PTPRN: variants seen among roughly 807,000 people sequenced by gnomAD.
PTPRN encodes the protein protein tyrosine phosphatase receptor type N.
A neutral mutation model predicts 108.5 loss-of-function variants in PTPRN; 70 were observed. The observed-to-expected ratio is 0.65, with a 90% CI of 0.53 to 0.79. The LOEUF is 0.79. Among genes scored for constraint, PTPRN ranks in the 30% least tolerant of loss-of-function variants. The pLI, the probability that PTPRN is intolerant of heterozygous loss-of-function variation, is 0.00. For synonymous variants in PTPRN, 496 were observed against 524.6 expected (o/e 0.95, Z 0.75); for missense variants, 1,136 against 1,295.5 (o/e 0.88, Z 1.89).
intron 3 of PTPRN, among the ~76,000 whole-genome samples, chr2:219,305,511 G>A (rs1952461408): frequency 6.6e-6 from 1 of 152,094 alleles, no homozygotes; most frequent in Non-Finnish European, 1.5e-5. Flanking sequence ...AAAGTATTGG[G>A]ATTATAGGTG....
intron 3 of PTPRN, among the ~76,000 whole-genome samples, chr2:219,306,383 T>C (rs1952484694): frequency 6.6e-6 from 1 of 152,232 alleles, no homozygotes; most frequent in African/African-American, 2.4e-5. Context: ...GTGAAAGCAG[T>C]TTATTAGAGA....
intron 19 of PTPRN, 28 bp from the exon 20 acceptor site, chr2:219,291,551 A>T: frequency 1.9e-6 from 3 of 1,608,984 alleles, no homozygotes; most frequent in Non-Finnish European, 2.6e-6. Context: ...TGTGAGGGCC[A>T]GTGGGCACCA....
chr2:219,304,790 C>A (rs1379800949), intron 3 of PTPRN, among the ~76,000 whole-genome samples: 2 of 152,200 alleles, frequency 1.3e-5, no homozygotes, highest in Admixed American at 6.5e-5. Flanking sequence ...TTGTTCTCTA[C>A]TGAATTATTC....
chr2:219,299,162 CCT>C, intron 11 of PTPRN, 51 bp from the exon 12 acceptor site: 1 of 1,611,826 alleles, frequency 6.2e-7, no homozygotes, highest in Non-Finnish European at 8.5e-7. Context: ...TGGTCTCCAT[CCT>C]CTGTCTTGCT....
Position 219,291,467 on chromosome 2 carries a change from C to G in PTPRN, c.2729+3G>C. On this transcript the variant is annotated splice_donor_region_variant and intron_variant, in intron 20 of 22. Coordinates refer to ENST00000295718, the MANE Select transcript of PTPRN (RefSeq NM_002846.4). ...CAGAGAGATGAATCTCCTCTCCACC[C>G]ACCTGCAGTGCACGATGATGGGGCA... 6.2e-7 allele frequency: 1 copy of G among 1,613,818 alleles called. No individual in the cohort carries two copies. The highest frequency in any genetic ancestry group is 8.5e-7 in the Non-Finnish European group (1 of 1,179,784).
chr2:219,301,760 G>A, intron 6 of PTPRN, 41 bp from the exon 7 acceptor site: 1 of 1,579,192 alleles, frequency 6.3e-7, no homozygotes, highest in Non-Finnish European at 8.7e-7. Flanking sequence ...TGATTGCGCA[G>A]TGAACTTGAG....
rs1022613535 is a variant in PTPRN at position 219,297,708 on chromosome 2, T to C, written c.1887+177A>G. Among the ~76,000 whole-genome samples, 3 of 152,084 alleles carry C rather than the reference T, an allele frequency of 2.0e-5. No homozygotes were observed. Among genetic ancestry groups the C allele is most frequent in the African/African-American group, 7.2e-5 (3 of 41,406 alleles). ...AGGCACTGTATGCTCCCAATTCCCATGCGTTCATAAAGGCCCCTACCATAC... is the reference window on the plus strand; with the variant it reads ...AGGCACTGTATGCTCCCAATTCCCACGCGTTCATAAAGGCCCCTACCATAC... On this transcript the variant is annotated intron_variant, in intron 13 of 22. Coordinates refer to ENST00000295718, the MANE Select transcript of PTPRN (RefSeq NM_002846.4). The surrounding 1 kb of genome is among the most constrained non-coding windows in gnomAD (Gnocchi z 6.0).
chr2:219,294,035 T>G, intron 19 of PTPRN: 1 of 496,928 alleles, frequency 2.0e-6, no homozygotes, highest in East Asian at 5.8e-5. Flanking sequence ...TTCGACAGTC[T>G]TTGCCTCTTC....
At chr2:219,298,291 A>G (rs570650308) in intron 12 of PTPRN, among the ~76,000 whole-genome samples, 188 bp from the exon 13 acceptor site, 1 of 152,330 alleles carries the variant, frequency 6.6e-6, no homozygotes, top group East Asian at 1.9e-4. Flanking sequence ...GATCAACTCA[A>G]CCACAGTGCA....
intron 8 of PTPRN, 35 bp from the exon 9 acceptor site, chr2:219,300,294 C>G: frequency 6.6e-7 from 1 of 1,526,208 alleles, no homozygotes; most frequent in Non-Finnish European, 8.8e-7. Flanking sequence ...GGCCTCTGGA[C>G]AGTGCTGGGG....
rs769328577 is a variant in PTPRN at position 219,291,518 on chromosome 2, A to C, written c.2681T>G (p.Val894Gly). 4 of 1,613,776 alleles carry C rather than the reference A, an allele frequency of 2.5e-6. No individual in the cohort carries two copies. In the African/African-American group the frequency reaches 5.3e-5, roughly 22 times the overall value. Residue 894 changes from valine to glycine, a missense_variant, in exon 20 of 23, where the codon GTG becomes GGG. By Grantham distance (109) the Val-to-Gly change is moderately radical. Transcript: ENST00000295718. ...TRPLLDFRRKVNKCYRGRSCP... is the reference protein window; with the variant it reads ...TRPLLDFRRKGNKCYRGRSCP... Reference sequence around the variant, plus strand: ...GGAGCGGCCCCGGTAGCACTTGTTCACCTTCCTGCAACAAGAAATGGGTGT... The same window carrying C: ...GGAGCGGCCCCGGTAGCACTTGTTCCCCTTCCTGCAACAAGAAATGGGTGT...
intron 19 of PTPRN, among the ~76,000 whole-genome samples, chr2:219,293,344 C>T (rs1185361588): frequency 6.6e-6 from 1 of 152,060 alleles, no homozygotes; most frequent in Non-Finnish European, 1.5e-5. Flanking sequence ...CCCTGCCTGG[C>T]TAATTTTTGT....
At chr2:219,307,232 T>G (rs1453388194) in intron 3 of PTPRN, 6 of 474,310 alleles carry the variant, frequency 1.3e-5, no homozygotes, top group Admixed American at 3.5e-5. Context: ...CCTTTTCCAG[T>G]GACTTCTTCT....
chr2:219,300,374 G>A, intron 8 of PTPRN, 115 bp from the exon 9 acceptor site: 1 of 1,150,158 alleles, frequency 8.7e-7, no homozygotes, highest in Non-Finnish European at 1.2e-6. Context: ...TCTACCCCCA[G>A]GGACCACTGC....
rs750928586 is a variant in PTPRN at position 219,307,519 on chromosome 2, C to T, written c.205G>A (p.Ala69Thr). 2 of 1,614,158 alleles carry T rather than the reference C, an allele frequency of 1.2e-6. No individual in the cohort carries two copies. The highest frequency in any genetic ancestry group is 1.3e-5 in the African/African-American group (1 of 75,038). Reference sequence around the variant, plus strand: ...GAGGTGACTTGCAAAAGGGGCCGGGCCTGCCCCACTCCCACCTGGCACTGC... The same window carrying T: ...GAGGTGACTTGCAAAAGGGGCCGGGTCTGCCCCACTCCCACCTGGCACTGC... ...FGQCQVGVGQARPLLQVTSPV... is the reference protein window; with the variant it reads ...FGQCQVGVGQTRPLLQVTSPV... The change falls in exon 3 of 23, where the codon GCC becomes ACC. Residue 69 changes from alanine to threonine, a missense_variant. Transcript: ENST00000295718.
At position 219,290,065 on chromosome 2, in the gene PTPRN, G is replaced by A. The variant is rs1952018226; in HGVS notation, c.*161C>T. The A allele has an allele frequency of 2.9e-6, 2 of 682,612 alleles. No homozygotes were observed. Among genetic ancestry groups the A allele is most frequent in the Non-Finnish European group, 5.1e-6 (2 of 392,082 alleles). 42.3% of individuals were successfully genotyped at this position (682,612 alleles called of 1,614,324 possible). On this transcript the variant is annotated 3_prime_UTR_variant, in exon 23 of 23. Coordinates refer to ENST00000295718, the MANE Select transcript of PTPRN (RefSeq NM_002846.4). The surrounding 1 kb of genome is among the most constrained non-coding windows in gnomAD (Gnocchi z 4.2). The stretch of plus-strand genomic sequence containing the variant: ...CCCCAGGCTCTGGCATGCGAGGCTG[G>A]GCAGGCGTGCCCCTTCTGGCTTTCC...
At position 219,296,638 on chromosome 2, in the gene PTPRN, C is replaced by T; in HGVS notation, c.2310+111G>A. 6.4e-7 allele frequency: 1 copy of T among 1,553,248 alleles called. No homozygotes were observed. The highest frequency in any genetic ancestry group is 8.8e-7 in the Non-Finnish European group (1 of 1,133,768). On this transcript the variant is annotated intron_variant, in intron 16 of 22. Coordinates refer to ENST00000295718, the MANE Select transcript of PTPRN (RefSeq NM_002846.4). The surrounding 1 kb of genome is among the most constrained non-coding windows in gnomAD (Gnocchi z 6.0). ...AGTTCCCCCTTGCTAGGATATCAGG[C>T]CCCACCACTCCAGGGGGTTGGTGGG...
At position 219,290,449 on chromosome 2, in the gene PTPRN, G is replaced by A; in HGVS notation, c.2868+89C>T. The A allele has an allele frequency of 1.4e-6, 2 of 1,421,672 alleles. No individual in the cohort carries two copies. Among genetic ancestry groups the A allele is most frequent in the South Asian group, 1.2e-5 (1 of 80,926 alleles). 88.1% of individuals were successfully genotyped at this position (1,421,672 alleles called of 1,614,324 possible). On this transcript the variant is annotated intron_variant, in intron 22 of 22. Coordinates refer to ENST00000295718, the MANE Select transcript of PTPRN (RefSeq NM_002846.4). This position sits in a 1 kb window ranked among gnomAD's most constrained non-coding sequence, Gnocchi z 4.2. Reference sequence around the variant, plus strand: ...GGAGGCGCAGAAGCAGGTGGGAAAGGTTGGCAGCTGCTGCTTTCCCTGGGG... The same window carrying A: ...GGAGGCGCAGAAGCAGGTGGGAAAGATTGGCAGCTGCTGCTTTCCCTGGGG...
At position 219,300,019 on chromosome 2, in the gene PTPRN, C is replaced by T. The variant is rs540428328; in HGVS notation, c.1402G>A (p.Ala468Thr). 4.3e-6 allele frequency: 7 copies of T among 1,614,234 alleles called. No homozygotes were observed. The East Asian group carries it at 1.3e-4, about 31-fold the overall frequency. Residue 468 changes from alanine (A) to threonine (T), a missense_variant, in exon 9 of 23, where the codon GCA becomes ACA. Ala to Thr is a moderately conservative substitution (Grantham distance 58). Coordinates refer to ENST00000295718, the MANE Select transcript of PTPRN (RefSeq NM_002846.4). ...GTGACGATGTAGCCATATTCCTCTG[C>T]TGCTGGGCGGGCTGAGGGCTGTCCT... The part of the protein sequence containing the change: ...VAGQPSARPA[A>T]EEYGYIVTDQ...
Sources: allele counts gnomAD v4.1 joint callset (sites outside exome capture counted in the v4.1 genomes callset), GRCh38; gene constraint gnomAD v4.1.1; non-coding constraint Gnocchi (gnomAD v3.1); transcripts MANE v1.5; gene names NCBI Gene and HGNC (gene_info 2026-07-23, HGNC 2026-07-21).